Variants in LRFN2 observed in about 807,000 individuals in gnomAD.
LRFN2 encodes the protein leucine rich repeat and fibronectin type III domain containing 2.
In LRFN2, 18 loss-of-function variants were observed where a neutral mutation model predicts 37.3. The ratio of observed to expected loss-of-function variants is 0.48; its 90% CI spans 0.33 to 0.72. The LOEUF (loss-of-function observed/expected upper bound fraction) is 0.72. Among genes scored for constraint, LRFN2 ranks in the 30% least tolerant of loss-of-function variants. The probability of loss-of-function intolerance (pLI) is 0.02; values close to 1 mark genes in which losing one functional copy is unlikely to be tolerated. For synonymous variants in LRFN2, 556 were observed against 466.6 expected (o/e 1.19, Z -2.47); for missense variants, 1,006 against 1,060.7 (o/e 0.95, Z 0.72).
At chr6:40,426,079 C>G (rs1039836734) in intron 2 of LRFN2, among the ~76,000 whole-genome samples, 1 of 152,056 alleles carries the variant, frequency 6.6e-6, no homozygotes, top group African/African-American at 2.4e-5. Flanking sequence ...TGTCTCTGAC[C>G]CCAGGCCCTG....
At chr6:40,574,942 A>G (rs577651272) in intron 1 of LRFN2, among the ~76,000 whole-genome samples, 1 of 152,170 alleles carries the variant, frequency 6.6e-6, no homozygotes, top group East Asian at 1.9e-4. Context: ...CCCAAAACAC[A>G]CTTCGCCATG....
rs1222314180 is a variant in LRFN2, at chr6:40,587,311, G to C, written c.-389C>G. 1 of 152,172 alleles carries C rather than the reference G, an allele frequency of 6.6e-6. No individual in the cohort carries two copies. 9.4% of individuals were successfully genotyped at this position (152,172 alleles called of 1,614,324 possible). ...AACCTCGGGCATCTTGGAATGTGGG[G>C]TGTCTTCAAGTTCAGACGAGCCTGC... is the stretch of plus-strand genomic sequence containing the variant. On this transcript the variant is annotated 5_prime_UTR_variant, in exon 1 of 3. Transcript: ENST00000338305. This position sits in a 1 kb window ranked among gnomAD's most constrained non-coding sequence, Gnocchi z 4.2.
chr6:40,472,798 T>C (rs1764628753), intron 1 of LRFN2, among the ~76,000 whole-genome samples: 1 of 152,184 alleles, frequency 6.6e-6, no homozygotes, highest in South Asian at 2.1e-4. Context: ...CTTGGCAGGC[T>C]GACATGTAGG....
chr6:40,437,845 T>A (rs1763727533), intron 1 of LRFN2, among the ~76,000 whole-genome samples: 1 of 152,160 alleles, frequency 6.6e-6, no homozygotes, highest in Non-Finnish European at 1.5e-5. Context: ...TAGGGTGGTG[T>A]AGGTGGTGGA....
intron 1 of LRFN2, among the ~76,000 whole-genome samples, chr6:40,563,309 G>T (rs2113789819): frequency 6.6e-6 from 1 of 152,286 alleles, no homozygotes; most frequent in East Asian, 1.9e-4. Flanking sequence ...CACAGCAGCA[G>T]GGACAGCTGC....
At chr6:40,466,616 C>T (rs17626116) in intron 1 of LRFN2, among the ~76,000 whole-genome samples, 3 of 152,024 alleles carry the variant, frequency 2.0e-5, no homozygotes, top group South Asian at 2.1e-4. Flanking sequence ...CTGGGCTGGA[C>T]CTAGCATGAG....
At chr6:40,501,477 C>A (rs761848087) in intron 1 of LRFN2, among the ~76,000 whole-genome samples, 1 of 151,134 alleles carries the variant, frequency 6.6e-6, no homozygotes, top group Non-Finnish European at 1.5e-5. Context: ...CATCACCGTG[C>A]CTGGCTAATT....
rs576664152 is a variant in LRFN2, at chr6:40,415,249, A to G, written c.1400+16465T>C. 5.7e-5 allele frequency among the ~76,000 whole-genome samples: 8 copies of G among 140,076 alleles called. No individual in the cohort carries two copies. In the East Asian group the frequency reaches 1.7e-3, roughly 29 times the overall value. The allele number at this position is 140,076 out of a possible 152,430, so 91.9% of individuals were successfully genotyped here. The stretch of plus-strand genomic sequence containing the variant: ...TGTTTTGTTTTGTTTTGTTTGAGAC[A>G]GAGTCTTGCTTTGTCGCCTAGGCTG... On this transcript the variant is annotated intron_variant, in intron 2 of 2. Transcript: ENST00000338305.
At chr6:40,533,304 TA>T (rs1020013256) in intron 1 of LRFN2, among the ~76,000 whole-genome samples, 4 of 151,900 alleles carry the variant, frequency 2.6e-5, no homozygotes, top group African/African-American at 9.7e-5. Context: ...ATTGAATTTT[TA>T]AAAATCTGTT....
intron 1 of LRFN2, among the ~76,000 whole-genome samples, chr6:40,485,647 G>C (rs1015347282): frequency 1.3e-5 from 2 of 152,172 alleles, no homozygotes; most frequent in Non-Finnish European, 2.9e-5. Flanking sequence ...TCTTGAACAG[G>C]CCAGGCTGCT....
intron 1 of LRFN2, among the ~76,000 whole-genome samples, chr6:40,491,134 G>A (rs1446431587): frequency 6.6e-6 from 1 of 152,162 alleles, no homozygotes; most frequent in Non-Finnish European, 1.5e-5. Context: ...GTGAACCTGG[G>A]AGCCACTGCA....
chr6:40,396,633 G>A (rs1029086161), intron 2 of LRFN2, among the ~76,000 whole-genome samples: 15 of 151,926 alleles, frequency 9.9e-5, no homozygotes, highest in African/African-American at 3.6e-4. Flanking sequence ...AGCAGGAAAA[G>A]CCTGCTAGGA....
At chr6:40,492,365 C>T (rs1765113912) in intron 1 of LRFN2, among the ~76,000 whole-genome samples, 3 of 152,206 alleles carry the variant, frequency 2.0e-5, no homozygotes, top group South Asian at 4.1e-4. Flanking sequence ...CCCCCTGCTC[C>T]CCTGTCCTGG....
chr6:40,561,064 G>C (rs187521182), intron 1 of LRFN2, among the ~76,000 whole-genome samples: 98 of 152,294 alleles, frequency 6.4e-4, no homozygotes, highest in African/African-American at 2.1e-3. Context: ...TATAAGCAGG[G>C]TGTGTTCAGA....
chr6:40,532,348 G>T (rs1452375139), intron 1 of LRFN2, among the ~76,000 whole-genome samples: 3 of 152,174 alleles, frequency 2.0e-5, no homozygotes, highest in Non-Finnish European at 2.9e-5. Flanking sequence ...GTAATCACAT[G>T]CCCCCTAATA....
At chr6:40,405,148 C>G (rs1423027317) in intron 2 of LRFN2, among the ~76,000 whole-genome samples, 1 of 152,242 alleles carries the variant, frequency 6.6e-6, no homozygotes, top group East Asian at 1.9e-4. Flanking sequence ...AGCTACCCAG[C>G]TACCCATTAC....
intron 1 of LRFN2, among the ~76,000 whole-genome samples, chr6:40,490,578 G>A (rs796969530): frequency 1.1e-4 from 16 of 152,272 alleles, no homozygotes; most frequent in African/African-American, 2.9e-4. Flanking sequence ...CAGCCCTGCC[G>A]ACACTCTCAG....
At chr6:40,450,165 C>T (rs992685759) in intron 1 of LRFN2, among the ~76,000 whole-genome samples, 15 of 152,262 alleles carry the variant, frequency 9.9e-5, no homozygotes, top group Admixed American at 3.3e-4. Flanking sequence ...CTGTCCTCAC[C>T]GGCCTCCTTA....
rs75477601 is a variant in LRFN2, at chr6:40,489,545, T to C, written c.-18-56414A>G. ...CGTCTGGGACACACAGGGGAGGAGA[T>C]GGGTGAGAAGGAGGAAAAGTGGGGC... On this transcript the variant is annotated intron_variant, in intron 1 of 2. Transcript: ENST00000338305. Among the ~76,000 whole-genome samples the C allele has an allele frequency of 4.6e-3, 696 of 151,908 alleles. 5 individuals carry two copies. The highest frequency in any genetic ancestry group is 0.016 in the African/African-American group (665 of 41,430).
Sources: allele counts gnomAD v4.1 joint callset (sites outside exome capture counted in the v4.1 genomes callset), GRCh38; gene constraint gnomAD v4.1.1; non-coding constraint Gnocchi (gnomAD v3.1); transcripts MANE v1.5; gene names NCBI Gene and HGNC (gene_info 2026-07-23, HGNC 2026-07-21).